Variants in FRMPD4 observed in about 807,000 individuals in gnomAD.
FRMPD4 encodes the protein FERM and PDZ domain-containing protein 4.
FRMPD4 carries 22 observed loss-of-function variants against 94.1 expected under a neutral mutation model. That is an observed-to-expected ratio of 0.23 (90% confidence interval 0.17 to 0.33). The LOEUF is 0.33. FRMPD4 is among the 10% of genes least tolerant of loss of function. FRMPD4 has a pLI of 1.00. For missense variants in FRMPD4, 1,111 were observed against 1,339.9 expected, an observed-to-expected ratio of 0.83 and a Z score of 2.67; for synonymous variants, 631 against 548.6, an observed-to-expected ratio of 1.15 and a Z score of -2.10.
intron 1 of FRMPD4, among the ~76,000 whole-genome samples, chrX:12,392,947 A>G (rs2056496787): frequency 8.9e-6 from 1 of 112,434 alleles, no homozygotes; most frequent in Non-Finnish European, 1.9e-5. Flanking sequence ...ACCCTGGGTG[A>G]CAAGAGCAAA....
intron 1 of FRMPD4, among the ~76,000 whole-genome samples, chrX:12,473,485 G>A (rs1248337230): frequency 1.8e-5 from 2 of 109,832 alleles, no homozygotes; most frequent in African/African-American, 3.5e-5. Context: ...AAATGTAAAT[G>A]GGCTAAATGC....
intron 1 of FRMPD4, among the ~76,000 whole-genome samples, chrX:12,247,814 A>G (rs1319571706): frequency 8.9e-6 from 1 of 112,364 alleles, no homozygotes. Flanking sequence ...TTTATCAGAT[A>G]GGTAAGGTTA....
Position 12,717,836 on chromosome X carries a change from A to G in FRMPD4, c.3010A>G (p.Thr1004Ala). The change falls in exon 16 of 17, where the codon ACT (threonine) becomes GCT (alanine). Residue 1004 changes from threonine (T) to alanine (A), a missense_variant. Thr to Ala is a moderately conservative substitution (Grantham distance 58, BLOSUM62 0). This residue lies in a region of FRMPD4 where 551 missense variants were observed against 591.6 expected (regional missense o/e 0.93). Coordinates refer to ENST00000675598, the MANE Select transcript of FRMPD4 (RefSeq NM_001368397.1). ...HMEMEPETME[T>A]KSVTDYFSKL... ...GGAGATGGAGCCTGAAACTATGGAGACTAAGTCGGTCACTGACTATTTTAG... is the reference window on the plus strand; with the variant it reads ...GGAGATGGAGCCTGAAACTATGGAGGCTAAGTCGGTCACTGACTATTTTAG... 2 of 1,210,389 alleles carry G rather than the reference A, an allele frequency of 1.7e-6. No homozygotes were observed. Among genetic ancestry groups the G allele is most frequent in the Non-Finnish European group, 1.1e-6 (1 of 893,985 alleles).
At chrX:11,941,518 G>T (rs766798100) in intron 3 of FRMPD4, among the ~76,000 whole-genome samples, 77 of 111,719 alleles carry the variant, frequency 6.9e-4, no homozygotes, top group African/African-American at 2.5e-3. Flanking sequence ...TAGGTGCTTT[G>T]TACACATCAC....
Position 12,720,761 on chromosome X carries a change from C to G in FRMPD4, c.4192C>G (p.Gln1398Glu), listed in dbSNP as rs1320968159. The G allele has an allele frequency of 1.9e-6, 2 of 1,052,228 alleles. No homozygotes were observed. The highest frequency in any genetic ancestry group is 2.4e-6 in the Non-Finnish European group (2 of 822,062). 86.7% of individuals were successfully genotyped at this position (1,052,228 alleles called of 1,213,427 possible). Residue 1398 changes from glutamine to glutamate, a missense_variant, in exon 17 of 17, where the codon CAG becomes GAG. Coordinates refer to ENST00000675598, the MANE Select transcript of FRMPD4 (RefSeq NM_001368397.1). ...GGGGAGCCTCAGGACACCTCCCAGC[C>G]AGAAGGCTCTGAGACATAGCAGCAG... ...RGGSLRTPPS[Q>E]KALRHSSSIL...
In FRMPD4 at chrX:12,138,906, GGCT is replaced by G; in HGVS notation, c.-61_-59del. The stretch of plus-strand genomic sequence containing the variant: ...GAGGTCTTGGCCATGGGGCTGCGGA[GGCT>G]GCTGTTGCTGGCGTGAGAAGGGGCG... On this transcript the variant is annotated 5_prime_UTR_variant, in exon 1 of 17. Transcript: ENST00000675598. 1 of 958,509 alleles carries G rather than the reference GGCT, an allele frequency of 1.0e-6. No individual in the cohort carries two copies. Among genetic ancestry groups the G allele is most frequent in the Non-Finnish European group, 1.4e-6 (1 of 711,052 alleles). 79.0% of individuals were successfully genotyped at this position (958,509 alleles called of 1,213,427 possible). A position where few individuals can be genotyped will look rare whatever the true frequency, so the allele number is the denominator to read the frequency against.
chrX:12,697,278 C>T (rs1364760342), intron 9 of FRMPD4, among the ~76,000 whole-genome samples: 4 of 112,174 alleles, frequency 3.6e-5, no homozygotes, highest in African/African-American at 1.3e-4. Context: ...GAAACAGAGC[C>T]TGATTCTCAG....
chrX:12,032,051 C>G (rs2054695150), intron 3 of FRMPD4, among the ~76,000 whole-genome samples: 1 of 111,750 alleles, frequency 8.9e-6, no homozygotes, highest in Non-Finnish European at 1.9e-5. Flanking sequence ...GACAGGAAAA[C>G]AGGAGGATTT....
At chrX:12,170,883 A>G (rs1345151621) in intron 1 of FRMPD4, among the ~76,000 whole-genome samples, 1 of 113,122 alleles carries the variant, frequency 8.8e-6, no homozygotes, top group Middle Eastern at 4.2e-3. Flanking sequence ...ATATGATGAG[A>G]TCATTCTTTG....
intron 3 of FRMPD4, among the ~76,000 whole-genome samples, chrX:12,068,620 T>C (rs2054941341): frequency 8.9e-6 from 1 of 112,000 alleles, no homozygotes; most frequent in Admixed American, 9.4e-5. Flanking sequence ...AATGAAACTA[T>C]GGAACTAGGC....
intron 1 of FRMPD4, among the ~76,000 whole-genome samples, chrX:11,833,594 T>A (rs1239114222): frequency 3.6e-5 from 4 of 111,850 alleles, no homozygotes. Flanking sequence ...ATACTTTTAG[T>A]GGCTGGGAAA....
intron 1 of FRMPD4, among the ~76,000 whole-genome samples, chrX:12,322,076 C>T (rs1569230759): frequency 9.0e-6 from 1 of 111,633 alleles, no homozygotes; most frequent in African/African-American, 3.3e-5. Context: ...TGCTAGCAAA[C>T]TTGCCCATCT....
chrX:12,040,553 CTT>C (rs760980082), intron 3 of FRMPD4, among the ~76,000 whole-genome samples: 5 of 58,891 alleles, frequency 8.5e-5, no homozygotes, highest in Admixed American at 2.5e-4. Context: ...TTATGTCTGC[CTT>C]TTTTTTTTTT....
intron 1 of FRMPD4, among the ~76,000 whole-genome samples, chrX:12,487,361 A>T (rs946883520): frequency 5.3e-5 from 6 of 112,446 alleles, no homozygotes; most frequent in African/African-American, 1.9e-4. Context: ...ACAAAAATAA[A>T]TAAGTGCAGA....
At chrX:11,878,536 G>C (rs750276755) in intron 3 of FRMPD4, among the ~76,000 whole-genome samples, 1 of 112,286 alleles carries the variant, frequency 8.9e-6, no homozygotes, top group South Asian at 3.7e-4. Context: ...ATGCAAATTG[G>C]TTTGTATTTA....
chrX:12,003,663 C>T (rs1006076759), intron 3 of FRMPD4, among the ~76,000 whole-genome samples: 3 of 111,989 alleles, frequency 2.7e-5, no homozygotes, highest in African/African-American at 9.8e-5. Context: ...CCTTGGCCTC[C>T]CAAAGTGCTG....
chrX:12,169,049 T>A (rs1225498437), intron 1 of FRMPD4, among the ~76,000 whole-genome samples: 1 of 112,352 alleles, frequency 8.9e-6, no homozygotes, highest in African/African-American at 3.2e-5. Context: ...TTTTGACTCA[T>A]ATGTAAATGT....
chrX:12,388,850 T>TATATATATATATACACAC (rs1491368741), intron 1 of FRMPD4, among the ~76,000 whole-genome samples: 32 of 73,446 alleles, frequency 4.4e-4, no homozygotes, highest in African/African-American at 1.5e-3. Context: ...TATATATATA[T>TATATATATATATACACAC]ACACACAATG....
chrX:12,262,718 T>C (rs1282957520), intron 1 of FRMPD4, among the ~76,000 whole-genome samples: 1 of 111,898 alleles, frequency 8.9e-6, no homozygotes, highest in African/African-American at 3.2e-5. Flanking sequence ...GCTATGTCAC[T>C]TAGGGTCTTG....
Sources: gnomAD v4.1 joint callset for allele counts (sites outside exome capture counted in the v4.1 genomes callset) on GRCh38, gnomAD v4.1.1 for gene constraint, gnomAD v4.1.1 regional missense constraint, MANE v1.5 for transcripts, NCBI Gene and HGNC (gene_info 2026-07-23, HGNC 2026-07-21) for gene names.